The following MIS18A variants were observed in gnomAD, a reference collection of about 807,000 sequenced individuals.
MIS18A encodes protein Mis18-alpha.
In MIS18A, 14 loss-of-function variants were observed where a neutral mutation model predicts 25.0. The observed-to-expected ratio is 0.56, with a 90% CI of 0.37 to 0.88. MIS18A has a LOEUF of 0.88. Among genes scored for constraint, MIS18A ranks in the 40% least tolerant of loss-of-function variants. The probability of loss-of-function intolerance (pLI) is 0.00; values close to 1 mark genes in which losing one functional copy is unlikely to be tolerated. For missense variants in MIS18A, 292 were observed against 290.8 expected, an observed-to-expected ratio of 1.00 and a Z score of -0.03; for synonymous variants, 134 against 118.6, an observed-to-expected ratio of 1.13 and a Z score of -0.84.
chr21:32,195,197 G>C, the MIS18A span, among the ~76,000 whole-genome samples: 11 of 152,198 alleles, frequency 7.2e-5, no homozygotes, highest in South Asian at 6.2e-4. Context: ...ACATGCTGAA[G>C]AGCTCAAGAA....
the MIS18A span, among the ~76,000 whole-genome samples, chr21:32,228,017 T>C: frequency 6.6e-6 from 1 of 152,154 alleles, no homozygotes; most frequent in African/African-American, 2.4e-5. Context: ...CTCAATAAAC[T>C]AGTAATAGAA....
chr21:32,230,026 T>A, the MIS18A span, among the ~76,000 whole-genome samples: 1 of 152,338 alleles, frequency 6.6e-6, no homozygotes, highest in South Asian at 2.1e-4. Context: ...CCAGTCTATC[T>A]GACCTCATCA....
At chr21:32,192,231 G>A in the MIS18A span, among the ~76,000 whole-genome samples, 2 of 152,268 alleles carry the variant, frequency 1.3e-5, no homozygotes, top group South Asian at 4.1e-4. Context: ...AAGCAGTCTG[G>A]CATTTGCCCT....
chr21:32,269,117 T>C lies in MIS18A; in HGVS notation c.622A>G (p.Met208Val), dbSNP rs1366295361. Residue 208 changes from methionine (M) to valine (V), a missense_variant and splice_region_variant, in exon 5 of 5, where the codon ATG (methionine) becomes GTG (valine). Physicochemically the swap from Met to Val is conservative, Grantham distance 21. Coordinates refer to ENST00000290130, the MANE Select transcript of MIS18A (RefSeq NM_018944.3). The part of the protein sequence containing the change: ...RVEIEKSLTQ[M>V]EDVLKALQMK... Reference sequence around the variant, plus strand: ...TGTAATGCTTTCAAGACATCTTCCATCTATTGAATTTAAAAAATAAAAAAA... The same window carrying C: ...TGTAATGCTTTCAAGACATCTTCCACCTATTGAATTTAAAAAATAAAAAAA... 6 of 1,586,966 alleles carry C rather than the reference T, an allele frequency of 3.8e-6. No individual in the cohort carries two copies. The African/African-American group carries it at 8.1e-5, about 21-fold the overall frequency.
the MIS18A span, among the ~76,000 whole-genome samples, chr21:32,227,006 C>T: frequency 7.9e-3 from 1,204 of 152,106 alleles, 15 homozygotes; most frequent in African/African-American, 0.028. Flanking sequence ...AAAATCACAA[C>T]AGAAGTTGGA....
At chr21:32,236,557 G>A in the MIS18A span, among the ~76,000 whole-genome samples, 1 of 152,152 alleles carries the variant, frequency 6.6e-6, no homozygotes, top group Non-Finnish European at 1.5e-5. Flanking sequence ...TCTTGAGAGG[G>A]TACAGATTCC....
the MIS18A span, among the ~76,000 whole-genome samples, chr21:32,238,970 A>G: frequency 6.6e-6 from 1 of 152,202 alleles, no homozygotes; most frequent in African/African-American, 2.4e-5. Context: ...TACCTCTTTT[A>G]GTTTTACATA....
At chr21:32,240,304 T>C in the MIS18A span, among the ~76,000 whole-genome samples, 1 of 152,238 alleles carries the variant, frequency 6.6e-6, no homozygotes, top group Non-Finnish European at 1.5e-5. Flanking sequence ...CCCTCACGAA[T>C]GGGATTAGTG....
the MIS18A span, among the ~76,000 whole-genome samples, chr21:32,171,708 T>C: frequency 6.6e-6 from 1 of 152,062 alleles, no homozygotes; most frequent in African/African-American, 2.4e-5. Context: ...CTACAGTAAA[T>C]ATACAGTATT....
At chr21:32,277,266 CA>C (rs2031831287) in intron 1 of MIS18A, among the ~76,000 whole-genome samples, 1 of 152,176 alleles carries the variant, frequency 6.6e-6, no homozygotes, top group East Asian at 1.9e-4. Context: ...AATTAAATAA[CA>C]AAAACAGTCT....
At chr21:32,224,357 A>G in the MIS18A span, among the ~76,000 whole-genome samples, 1 of 151,192 alleles carries the variant, frequency 6.6e-6, no homozygotes, top group Admixed American at 6.6e-5. Context: ...TGCAGACGAC[A>G]TGACTGTTTA....
chr21:32,241,092 C>T, the MIS18A span, among the ~76,000 whole-genome samples: 1 of 152,126 alleles, frequency 6.6e-6, no homozygotes, highest in Non-Finnish European at 1.5e-5. Flanking sequence ...TGGCTTTCAG[C>T]GTTTCTAGAG....
chr21:32,236,332 A>G, the MIS18A span, among the ~76,000 whole-genome samples: 10 of 152,208 alleles, frequency 6.6e-5, no homozygotes, highest in Admixed American at 4.6e-4. Flanking sequence ...GCAGTGAGCT[A>G]AGATCGCACC....
At chr21:32,183,787 T>C in the MIS18A span, among the ~76,000 whole-genome samples, 1 of 152,236 alleles carries the variant, frequency 6.6e-6, no homozygotes, top group Non-Finnish European at 1.5e-5. Flanking sequence ...AATGGCTCTT[T>C]GCTGTTGTCC....
the MIS18A span, among the ~76,000 whole-genome samples, chr21:32,205,223 G>A: frequency 7.0e-6 from 1 of 143,432 alleles, no homozygotes; most frequent in Non-Finnish European, 1.5e-5. Context: ...TCCTGCCTCA[G>A]CCTCCTGAGT....
downstream of MIS18A, among the ~76,000 whole-genome samples, chr21:32,266,934 A>G (rs2123460455): frequency 6.6e-6 from 1 of 152,080 alleles, no homozygotes. Context: ...CTCAAGTAGT[A>G]GGTTTTAGCA....
the MIS18A span, among the ~76,000 whole-genome samples, chr21:32,189,203 T>C: frequency 6.6e-6 from 1 of 152,232 alleles, no homozygotes; most frequent in Non-Finnish European, 1.5e-5. Flanking sequence ...CCCTTCACGA[T>C]GTGGTCCTTG....
chr21:32,223,907 G>A, the MIS18A span, among the ~76,000 whole-genome samples: 2 of 152,176 alleles, frequency 1.3e-5, no homozygotes, highest in Non-Finnish European at 2.9e-5. Flanking sequence ...AAATCCAGTA[G>A]TATATTAAAA....
At chr21:32,198,947 G>A in the MIS18A span, among the ~76,000 whole-genome samples, 13 of 152,090 alleles carry the variant, frequency 8.5e-5, no homozygotes, top group African/African-American at 3.1e-4. Flanking sequence ...ATACAGTCGT[G>A]GGCACCATCC....
Sources: allele counts gnomAD v4.1 joint callset (sites outside exome capture counted in the v4.1 genomes callset), GRCh38; gene constraint gnomAD v4.1.1; transcripts MANE v1.5; gene names NCBI Gene and HGNC (gene_info 2026-07-23, HGNC 2026-07-21).